TMEFF2: variants seen among roughly 807,000 people sequenced by gnomAD.
TMEFF2 encodes the protein tomoregulin-2.
A neutral mutation model predicts 53.8 loss-of-function variants in TMEFF2; 28 were observed. That is an observed-to-expected ratio of 0.52 (90% CI 0.39 to 0.71). TMEFF2 has a LOEUF of 0.71. Ranked by LOEUF, TMEFF2 falls within the 30% of genes least tolerant of loss-of-function variation. TMEFF2 has a pLI of 0.00. For missense variants in TMEFF2, 353 were observed against 455.2 expected (o/e 0.78, Z 2.04); for synonymous variants, 162 against 166.3 (o/e 0.97, Z 0.20).
chr2:192,193,474 G>C (rs1000242035), intron 1 of TMEFF2, among the ~76,000 whole-genome samples: 2 of 152,094 alleles, frequency 1.3e-5, no homozygotes, highest in South Asian at 2.1e-4. Flanking sequence ...GAAGGAACCC[G>C]AGCGAGCAAG....
At chr2:192,025,376 G>GTTT (rs5837273) in intron 5 of TMEFF2, among the ~76,000 whole-genome samples, 42 of 146,160 alleles carry the variant, frequency 2.9e-4, no homozygotes, top group Middle Eastern at 3.5e-3. Context: ...TAACAGAAGG[G>GTTT]TTTTTTTTTT....
At chr2:192,001,270 T>G (rs1157631931) in intron 5 of TMEFF2, among the ~76,000 whole-genome samples, 1 of 152,146 alleles carries the variant, frequency 6.6e-6, no homozygotes, top group Admixed American at 6.6e-5. Context: ...TCTACCTAAA[T>G]GGTAAATTAG....
At chr2:191,973,953 C>T (rs1270370745) in intron 7 of TMEFF2, among the ~76,000 whole-genome samples, 1 of 152,126 alleles carries the variant, frequency 6.6e-6, no homozygotes, top group Non-Finnish European at 1.5e-5. Flanking sequence ...TGAGGCCTCC[C>T]CAGCGCTCAG....
At chr2:192,052,094 G>A (rs1687786586) in intron 5 of TMEFF2, among the ~76,000 whole-genome samples, 1 of 152,186 alleles carries the variant, frequency 6.6e-6, no homozygotes, top group South Asian at 2.1e-4. Flanking sequence ...TGGAGCCTGA[G>A]TGGCATGTAG....
chr2:192,180,850 G>A (rs10192635), intron 3 of TMEFF2, among the ~76,000 whole-genome samples: 130,771 of 151,666 alleles, frequency 0.86, 56,592 homozygotes, highest in East Asian at 1. Flanking sequence ...TACCATGAAG[G>A]AGCAGTAGTT....
chr2:192,144,787 A>C (rs1690211778), intron 4 of TMEFF2, among the ~76,000 whole-genome samples: 1 of 152,038 alleles, frequency 6.6e-6, no homozygotes, highest in Non-Finnish European at 1.5e-5. Flanking sequence ...TGCTGAGAAC[A>C]GGTGGTTTAA....
intron 4 of TMEFF2, among the ~76,000 whole-genome samples, chr2:192,085,294 T>TGAGCTCACAGTTCCTC: frequency 6.6e-6 from 1 of 152,128 alleles, no homozygotes; most frequent in Non-Finnish European, 1.5e-5. Flanking sequence ...ATAAGTTCCT[T>TGAGCTCACAGTTCCTC]GAGCTCACAG....
chr2:192,075,561 T>C (rs1186805788), intron 4 of TMEFF2, among the ~76,000 whole-genome samples: 1 of 151,304 alleles, frequency 6.6e-6, no homozygotes, highest in Non-Finnish European at 1.5e-5. Context: ...GTTTGAGGAA[T>C]GAGATTAAAG....
At chr2:192,044,933 T>A (rs1157722133) in intron 5 of TMEFF2, among the ~76,000 whole-genome samples, 1 of 152,148 alleles carries the variant, frequency 6.6e-6, no homozygotes, top group Admixed American at 6.5e-5. Flanking sequence ...ACAGCAGCAC[T>A]CCATCATCAA....
At chr2:192,179,284 T>C (rs1266649079) in intron 4 of TMEFF2, 1 of 178,012 alleles carries the variant, frequency 5.6e-6, no homozygotes, top group Admixed American at 6.3e-5. Flanking sequence ...CACCTAGTAA[T>C]TGAGAGCAGT....
chr2:192,188,256 A>G (rs1372127403), intron 2 of TMEFF2, among the ~76,000 whole-genome samples: 1 of 152,214 alleles, frequency 6.6e-6, no homozygotes, highest in African/African-American at 2.4e-5. Context: ...GTGCCTTCCC[A>G]GGCTAGGTCA....
intron 5 of TMEFF2, among the ~76,000 whole-genome samples, chr2:192,013,454 A>G (rs928381456): frequency 2.0e-5 from 3 of 149,758 alleles, no homozygotes; most frequent in African/African-American, 7.4e-5. Flanking sequence ...TATATTACAT[A>G]CTTTTTTTTT....
chr2:192,078,005 ACTGT>A (rs1192036034), intron 4 of TMEFF2, among the ~76,000 whole-genome samples: 2 of 152,142 alleles, frequency 1.3e-5, no homozygotes, highest in Non-Finnish European at 2.9e-5. Context: ...ATTCATTTAA[ACTGT>A]ACTATAGTCT....
intron 4 of TMEFF2, among the ~76,000 whole-genome samples, chr2:192,075,326 T>TATATATATATATATATATATATATAC (rs1688404437): frequency 2.1e-5 from 1 of 48,664 alleles, no homozygotes; most frequent in Non-Finnish European, 5.4e-5. Context: ...TATATATATA[T>TATATATATATATATATATATATATAC]ATATATACAT....
At chr2:191,954,078 C>A (rs575367393) in intron 8 of TMEFF2, among the ~76,000 whole-genome samples, 1 of 151,602 alleles carries the variant, frequency 6.6e-6, no homozygotes. Flanking sequence ...TAGTAGAGAC[C>A]GGGTTTCACC....
chr2:192,134,263 A>G (rs1038735788), intron 4 of TMEFF2, among the ~76,000 whole-genome samples: 1 of 152,148 alleles, frequency 6.6e-6, no homozygotes, highest in Non-Finnish European at 1.5e-5. Context: ...CCGGACTTCA[A>G]TACAGCCTCC....
At chr2:192,096,671 T>TCTG (rs1553520127) in intron 4 of TMEFF2, among the ~76,000 whole-genome samples, 61 of 30,304 alleles carry the variant, frequency 2.0e-3, no homozygotes, top group East Asian at 6.6e-3. Context: ...TCTCTCTCTC[T>TCTG]TTTTTTTTTT....
At chr2:192,084,521 T>C (rs541971167) in intron 4 of TMEFF2, among the ~76,000 whole-genome samples, 1 of 152,330 alleles carries the variant, frequency 6.6e-6, no homozygotes, top group East Asian at 1.9e-4. Flanking sequence ...GAAGGACTCT[T>C]ACTGAAGAGA....
In TMEFF2 at chr2:192,184,471, A is replaced by G. The variant is rs1691264470; in HGVS notation, c.295T>C (p.Tyr99His). The G allele has an allele frequency of 1.2e-6, 2 of 1,613,236 alleles. No homozygotes were observed. Among genetic ancestry groups the G allele is most frequent in the Non-Finnish European group, 1.7e-6 (2 of 1,179,442 alleles). The change falls in exon 3 of 10, where the codon TAT (tyrosine) becomes CAT (histidine). Residue 99 changes from tyrosine to histidine, a missense_variant. This residue lies in a region of TMEFF2 where 294 missense variants were observed against 397.3 expected (regional missense o/e 0.74). Transcript: ENST00000272771. ...CVCQFKCNND[Y>H]VPVCGSNGES... ...CCATTGGAGCCACACACAGGCACAT[A>G]GTCATTGTTGCACTGGGAAACACAC... is the stretch of plus-strand genomic sequence containing the variant.
Sources: gnomAD v4.1 joint callset for allele counts (sites outside exome capture counted in the v4.1 genomes callset) on GRCh38, gnomAD v4.1.1 for gene constraint, gnomAD v4.1.1 regional missense constraint, MANE v1.5 for transcripts, NCBI Gene and HGNC (gene_info 2026-07-23, HGNC 2026-07-21) for gene names.